Variants in AUTS2 observed in about 807,000 individuals in gnomAD.
The protein encoded by AUTS2 is autism susceptibility gene 2 protein.
In AUTS2, 17 loss-of-function variants were observed where a neutral mutation model predicts 112.4. That is an observed-to-expected ratio of 0.15 (90% CI 0.10 to 0.23). The LOEUF is 0.23. AUTS2 is among the 10% of genes least tolerant of loss of function. The pLI, the probability that AUTS2 is intolerant of heterozygous loss-of-function variation, is 1.00. For missense variants in AUTS2, 1,510 were observed against 1,701.6 expected (o/e 0.89, Z 1.98); for synonymous variants, 751 against 702.7 (o/e 1.07, Z -1.09).
rs368871903 is a variant in AUTS2 at position 70,780,215 on chromosome 7, A to G, written c.2005-1400A>G. 1.2e-3 allele frequency among the ~76,000 whole-genome samples: 185 copies of G among 152,242 alleles called. 1 individual carries two copies. In the South Asian group the frequency reaches 0.016, roughly 13 times the overall value. ...AGTTCAAAGAGAAAGCTGTCAAGAA[A>G]CAAGGAGGTGGGGCAGCTTTGAAAC... On this transcript the variant is annotated intron_variant, in intron 14 of 18. Transcript: ENST00000342771.
At chr7:70,673,947 G>A (rs1807777254) in intron 5 of AUTS2, among the ~76,000 whole-genome samples, 1 of 152,228 alleles carries the variant, frequency 6.6e-6, no homozygotes, top group Admixed American at 6.5e-5. Context: ...ATGCCATGAG[G>A]CGTATCCTAC....
chr7:70,607,216 G>A (rs889622273), intron 5 of AUTS2, among the ~76,000 whole-genome samples: 1 of 146,872 alleles, frequency 6.8e-6, no homozygotes, highest in African/African-American at 2.5e-5. Flanking sequence ...GCTGCGTGGA[G>A]CTTGCCATGT....
chr7:70,709,250 G>A (rs536785903), intron 6 of AUTS2, among the ~76,000 whole-genome samples: 6 of 151,966 alleles, frequency 3.9e-5, no homozygotes, highest in Non-Finnish European at 8.8e-5. Flanking sequence ...TTGGCCCACC[G>A]CAAGGAGGTG....
intron 4 of AUTS2, among the ~76,000 whole-genome samples, chr7:70,367,620 A>G (rs547045175): frequency 2.6e-5 from 4 of 152,222 alleles, no homozygotes; most frequent in Admixed American, 1.3e-4. Flanking sequence ...TCACTGATGA[A>G]GAACGTAGTT....
intron 4 of AUTS2, among the ~76,000 whole-genome samples, chr7:70,150,459 A>C (rs1421290859): frequency 2.6e-5 from 4 of 152,188 alleles, no homozygotes; most frequent in Non-Finnish European, 4.4e-5. Context: ...CAAATTGCAA[A>C]GAGCTATTCC....
intron 5 of AUTS2, among the ~76,000 whole-genome samples, chr7:70,498,598 G>T (rs1798653296): frequency 6.6e-6 from 1 of 152,120 alleles, no homozygotes; most frequent in African/African-American, 2.4e-5. Context: ...GGGCAGAAGG[G>T]TTCTTATATT....
chr7:69,924,651 A>G (rs1795936323), intron 2 of AUTS2, among the ~76,000 whole-genome samples: 1 of 151,764 alleles, frequency 6.6e-6, no homozygotes, highest in Admixed American at 6.6e-5. Context: ...TCCTGGGTTC[A>G]AGCGATTCTC....
At chr7:70,372,017 A>G (rs533224369) in intron 4 of AUTS2, among the ~76,000 whole-genome samples, 8 of 152,336 alleles carry the variant, frequency 5.3e-5, no homozygotes, top group Non-Finnish European at 1.0e-4. Flanking sequence ...AAAACTGGAA[A>G]GGATGGGAAC....
chr7:70,658,688 A>G (rs1806909398), intron 5 of AUTS2, among the ~76,000 whole-genome samples: 1 of 152,200 alleles, frequency 6.6e-6, no homozygotes, highest in African/African-American at 2.4e-5. Flanking sequence ...AGTGTCTTGG[A>G]AACTTTCTCT....
At chr7:70,213,176 A>G (rs1810997033) in intron 4 of AUTS2, among the ~76,000 whole-genome samples, 1 of 152,086 alleles carries the variant, frequency 6.6e-6, no homozygotes, top group Admixed American at 6.6e-5. Context: ...ATTTTTTTAA[A>G]AAAAGAAATA....
At chr7:70,046,213 G>T (rs1333981318) in intron 2 of AUTS2, among the ~76,000 whole-genome samples, 2 of 152,112 alleles carry the variant, frequency 1.3e-5, no homozygotes, top group African/African-American at 4.8e-5. Context: ...ATCTAATAGG[G>T]TGTAGAGGTT....
At chr7:70,019,730 G>C (rs1479184217) in intron 2 of AUTS2, among the ~76,000 whole-genome samples, 5 of 152,106 alleles carry the variant, frequency 3.3e-5, no homozygotes, top group Admixed American at 3.3e-4. Context: ...GAAAAGTCAG[G>C]CTCTTAGAAT....
chr7:70,039,729 T>C (rs984907123), intron 2 of AUTS2, among the ~76,000 whole-genome samples: 2 of 152,184 alleles, frequency 1.3e-5, no homozygotes, highest in African/African-American at 4.8e-5. Context: ...GGTAAAAATG[T>C]CCTGTGGTTT....
At chr7:69,874,555 C>T (rs554098336) in intron 1 of AUTS2, among the ~76,000 whole-genome samples, 1 of 152,062 alleles carries the variant, frequency 6.6e-6, no homozygotes, top group Non-Finnish European at 1.5e-5. Flanking sequence ...ATGAGGAGGT[C>T]TGAATTAAGG....
chr7:70,436,254 C>G (rs746593106), intron 5 of AUTS2: 1 of 154,398 alleles, frequency 6.5e-6, no homozygotes, highest in African/African-American at 2.4e-5. Flanking sequence ...TCATGGGGTA[C>G]GGGTGGGCAA....
At chr7:69,646,063 G>A (rs1053893763) in intron 1 of AUTS2, among the ~76,000 whole-genome samples, 6 of 151,588 alleles carry the variant, frequency 4.0e-5, no homozygotes, top group Admixed American at 3.9e-4. Flanking sequence ...GAACTAAGAG[G>A]TATGTTGTTT....
intron 4 of AUTS2, among the ~76,000 whole-genome samples, chr7:70,289,192 T>TGAATA (rs1788598465): frequency 6.6e-6 from 1 of 152,234 alleles, no homozygotes; most frequent in Admixed American, 6.5e-5. Flanking sequence ...AGTATTCATT[T>TGAATA]GAATAGGTTA....
At chr7:70,597,007 TTAAG>T (rs1803244393) in intron 5 of AUTS2, among the ~76,000 whole-genome samples, 1 of 152,216 alleles carries the variant, frequency 6.6e-6, no homozygotes, top group Non-Finnish European at 1.5e-5. Context: ...TTCAGTTTAA[TTAAG>T]AGTTTATATA....
At chr7:70,602,901 T>C (rs998008988) in intron 5 of AUTS2, among the ~76,000 whole-genome samples, 1 of 152,234 alleles carries the variant, frequency 6.6e-6, no homozygotes, top group Non-Finnish European at 1.5e-5. Flanking sequence ...TGTGTCAGGT[T>C]GATGTCCTTT....
Sources: gnomAD v4.1 joint callset for allele counts (sites outside exome capture counted in the v4.1 genomes callset) on GRCh38, gnomAD v4.1.1 for gene constraint, MANE v1.5 for transcripts, NCBI Gene and HGNC (gene_info 2026-07-23, HGNC 2026-07-21) for gene names.